DYNC1I1: variants seen among roughly 807,000 people sequenced by gnomAD.
DYNC1I1 encodes the protein cytoplasmic dynein 1 intermediate chain 1.
Under a neutral mutation model 86.6 loss-of-function variants are expected in DYNC1I1, and 43 were observed. That is an observed-to-expected ratio of 0.50 (90% CI 0.39 to 0.64). The LOEUF (loss-of-function observed/expected upper bound fraction) is 0.64. DYNC1I1 is among the 30% of genes least tolerant of loss of function. The probability of loss-of-function intolerance (pLI) is 0.00; values close to 1 mark genes in which losing one functional copy is unlikely to be tolerated. For missense variants in DYNC1I1, 604 were observed against 788.8 expected, an observed-to-expected ratio of 0.77 and a Z score of 2.81; for synonymous variants, 262 against 283.7, an observed-to-expected ratio of 0.92 and a Z score of 0.77.
intron 6 of DYNC1I1, among the ~76,000 whole-genome samples, chr7:95,882,720 T>G (rs568382505): frequency 7.9e-5 from 12 of 152,298 alleles, no homozygotes; most frequent in Admixed American, 2.6e-4. Context: ...ATATTGAACA[T>G]TGGTGAGGTA....
intron 7 of DYNC1I1, among the ~76,000 whole-genome samples, chr7:95,980,127 A>G (rs1793416916): frequency 2.0e-5 from 3 of 152,186 alleles, no homozygotes. Flanking sequence ...AACACCCTTC[A>G]GTTTTAACTG....
At chr7:96,020,982 G>C (rs550887409) in intron 10 of DYNC1I1, among the ~76,000 whole-genome samples, 32 of 152,188 alleles carry the variant, frequency 2.1e-4, no homozygotes, top group Middle Eastern at 6.8e-3. Flanking sequence ...GGTTACCAGA[G>C]CCTGGTGAAG....
At chr7:95,840,054 A>T (rs537676087) in intron 5 of DYNC1I1, among the ~76,000 whole-genome samples, 24 of 135,538 alleles carry the variant, frequency 1.8e-4, no homozygotes, top group Admixed American at 6.0e-4. Context: ...TGGTTTGGGC[A>T]TCTTTGGGAT....
At chr7:95,840,429 T>A (rs1789249539) in intron 5 of DYNC1I1, among the ~76,000 whole-genome samples, 1 of 152,200 alleles carries the variant, frequency 6.6e-6, no homozygotes, top group South Asian at 2.1e-4. Flanking sequence ...TTGGTATTTT[T>A]AAATATTTTC....
At position 95,857,411 on chromosome 7, in the gene DYNC1I1, A is replaced by G. The variant is rs371989847; in HGVS notation, c.375-12472A>G. ...ATTATTAATGATAAAATCTTGACAG[A>G]TATGTTATTCTCTAAACAGGAATTT... On this transcript the variant is annotated intron_variant, in intron 5 of 16. Transcript: ENST00000447467. Among the ~76,000 whole-genome samples, 29 of 152,258 alleles carry G rather than the reference A, an allele frequency of 1.9e-4. No individual in the cohort carries two copies. In the East Asian group the frequency reaches 2.1e-3, roughly 11 times the overall value.
intron 9 of DYNC1I1, among the ~76,000 whole-genome samples, chr7:95,992,035 T>C (rs1399079846): frequency 1.3e-5 from 2 of 152,024 alleles, no homozygotes; most frequent in African/African-American, 4.8e-5. Flanking sequence ...AATTTTTGTA[T>C]TTTTAGTAGA....
chr7:95,830,598 C>T (rs1795299588), intron 5 of DYNC1I1, among the ~76,000 whole-genome samples: 1 of 152,082 alleles, frequency 6.6e-6, no homozygotes, highest in African/African-American at 2.4e-5. Context: ...TATCCAGTCA[C>T]TTTTTATATA....
downstream of DYNC1I1, among the ~76,000 whole-genome samples, chr7:96,098,951 G>A (rs73708471): frequency 0.028 from 4,312 of 152,004 alleles, 182 homozygotes; most frequent in African/African-American, 0.099. Context: ...TCAACTGTAC[G>A]GTTTCTTTTA....
intron 13 of DYNC1I1, among the ~76,000 whole-genome samples, chr7:96,036,770 T>G (rs1794936750): frequency 2.0e-5 from 3 of 152,248 alleles, no homozygotes; most frequent in South Asian, 4.2e-4. Flanking sequence ...AGTTCCCAGG[T>G]GATAAGAACT....
intron 8 of DYNC1I1, among the ~76,000 whole-genome samples, chr7:95,986,295 C>G (rs1793592827): frequency 6.6e-6 from 1 of 152,082 alleles, no homozygotes; most frequent in Non-Finnish European, 1.5e-5. Context: ...ACTTAGGCAG[C>G]TTTTTATGCA....
At chr7:95,851,853 G>A (rs957530789) in intron 5 of DYNC1I1, among the ~76,000 whole-genome samples, 7 of 152,056 alleles carry the variant, frequency 4.6e-5, no homozygotes, top group African/African-American at 9.7e-5. Context: ...TAGTGGAGAC[G>A]GGGTTTCTCC....
At chr7:95,940,698 G>T (rs998483559) in intron 6 of DYNC1I1, among the ~76,000 whole-genome samples, 7 of 152,012 alleles carry the variant, frequency 4.6e-5, no homozygotes, top group Admixed American at 1.3e-4. Flanking sequence ...TAATACATTC[G>T]TCTAAATCTT....
chr7:96,064,596 G>A (rs934675518), intron 14 of DYNC1I1, among the ~76,000 whole-genome samples: 1 of 151,704 alleles, frequency 6.6e-6, no homozygotes, highest in Non-Finnish European at 1.5e-5. Flanking sequence ...GAGGGGAAAG[G>A]TTCTGAACCA....
intron 10 of DYNC1I1, among the ~76,000 whole-genome samples, chr7:96,025,941 G>A (rs1015245356): frequency 1.3e-5 from 2 of 151,880 alleles, no homozygotes; most frequent in Admixed American, 1.3e-4. Flanking sequence ...TATCCATATC[G>A]ATTTGAGCTT....
intron 6 of DYNC1I1, among the ~76,000 whole-genome samples, chr7:95,879,777 G>C (rs2116218419): frequency 6.6e-6 from 1 of 152,246 alleles, no homozygotes; most frequent in South Asian, 2.1e-4. Context: ...CTGGTATCCA[G>C]AAAGAGCAAG....
Position 95,932,042 on chromosome 7 carries a change from C to T in DYNC1I1, c.491-45470C>T, listed in dbSNP as rs147774896. On this transcript the variant is annotated intron_variant, in intron 6 of 16. Transcript: ENST00000447467. Reference sequence around the variant, plus strand: ...TTTACATAAATGGTATTATATAGTACATATTGCTCAATACCTATTTTTCCA... The same window carrying T: ...TTTACATAAATGGTATTATATAGTATATATTGCTCAATACCTATTTTTCCA... Among the ~76,000 whole-genome samples, 770 of 152,208 alleles carry T rather than the reference C, an allele frequency of 5.1e-3. 9 individuals are homozygous for T. The highest frequency in any genetic ancestry group is 0.017 in the African/African-American group (691 of 41,532).
chr7:95,842,534 T>C (rs2116021675), intron 5 of DYNC1I1, among the ~76,000 whole-genome samples: 1 of 152,248 alleles, frequency 6.6e-6, no homozygotes, highest in Middle Eastern at 3.4e-3. Context: ...CATTCTTGGA[T>C]GTGCTGGGAG....
intron 6 of DYNC1I1, among the ~76,000 whole-genome samples, chr7:95,901,440 C>T (rs965914094): frequency 5.3e-5 from 8 of 152,202 alleles, no homozygotes; most frequent in African/African-American, 1.4e-4. Context: ...GTGAGAGCTA[C>T]ACTGTATTCT....
intron 5 of DYNC1I1, among the ~76,000 whole-genome samples, 166 bp from the exon 6 acceptor site, chr7:95,869,717 T>G (rs1790111766): frequency 6.6e-6 from 1 of 152,188 alleles, no homozygotes; most frequent in South Asian, 2.1e-4. Context: ...AGCCCACGTG[T>G]CCTGACTTCC....
Sources: allele counts gnomAD v4.1 joint callset (sites outside exome capture counted in the v4.1 genomes callset), GRCh38; gene constraint gnomAD v4.1.1; transcripts MANE v1.5; gene names NCBI Gene and HGNC (gene_info 2026-07-23, HGNC 2026-07-21).